Variants in EXOC1 observed in about 807,000 individuals in gnomAD.
EXOC1 encodes the protein SEC3-like 1.
EXOC1 carries 67 observed loss-of-function variants against 107.7 expected under a neutral mutation model. That is an observed-to-expected ratio of 0.62 (90% CI 0.51 to 0.76). The LOEUF (loss-of-function observed/expected upper bound fraction) is 0.76. Ranked by LOEUF, EXOC1 falls within the 30% of genes least tolerant of loss-of-function variation. The pLI is 0.00. For synonymous variants in EXOC1, 348 were observed against 353.5 expected (o/e 0.98, Z 0.17); for missense variants, 833 against 1,055.7 (o/e 0.79, Z 2.92).
chr4:55,879,870 T>C (rs1468403861), intron 9 of EXOC1, among the ~76,000 whole-genome samples: 1 of 152,096 alleles, frequency 6.6e-6, no homozygotes, highest in Non-Finnish European at 1.5e-5. Context: ...AAATAAGAAA[T>C]CTAATGCATA....
Position 55,870,670 on chromosome 4 carries a change from C to A in EXOC1, c.604-8C>A. The A allele has an allele frequency of 6.2e-7, 1 of 1,602,592 alleles. No individual in the cohort carries two copies. Among genetic ancestry groups the A allele is most frequent in the Non-Finnish European group, 8.5e-7 (1 of 1,172,684 alleles). On this transcript the variant is annotated splice_region_variant and splice_polypyrimidine_tract_variant and intron_variant, in intron 5 of 18. Transcript: ENST00000381295. The stretch of plus-strand genomic sequence containing the variant: ...TTTGTTTGTTTGTTTTGGTCTTTAA[C>A]TTTGTAGGCTAACATCCAGTCAATC...
chr4:55,903,254 G>T (rs1465106745), intron 18 of EXOC1, among the ~76,000 whole-genome samples: 1 of 151,966 alleles, frequency 6.6e-6, no homozygotes, highest in African/African-American at 2.4e-5. Flanking sequence ...TAACTAATGG[G>T]TAGTGGAGCC....
In EXOC1 at chr4:55,892,608, T is replaced by C. The variant is rs181153080; in HGVS notation, c.1648-27T>C. On this transcript the variant is annotated intron_variant, in intron 13 of 18. Transcript: ENST00000381295. ...TAGTCAAATTGTTGGTCTTTTATTA[T>C]GTAAAGTGCCTGAATAATTTTTGCA... 3.4e-5 allele frequency: 54 copies of C among 1,607,830 alleles called. 1 individual carries two copies. Among genetic ancestry groups the C allele is most frequent in the South Asian group, 1.2e-4 (11 of 90,916 alleles).
rs142107478 is a variant in EXOC1 at position 55,890,230 on chromosome 4, T to C, written c.1383T>C (p.His461=). ...AGTTTTATTATTTCTTAGGTCTTCA[T>C]GGAAGTTCGGGGAAATTAACTGGAT... The part of the protein sequence containing the change: ...SAVKQETESL[H]GSSGKLTGST... Residue 461 remains histidine, a synonymous_variant, in exon 12 of 19, where the codon CAT becomes CAC. Coordinates refer to ENST00000381295, the MANE Select transcript of EXOC1 (RefSeq NM_001024924.2). 1.2e-6 allele frequency: 2 copies of C among 1,613,930 alleles called. No individual in the cohort carries two copies. Among genetic ancestry groups the C allele is most frequent in the Admixed American group, 1.7e-5 (1 of 60,000 alleles).
intron 16 of EXOC1, among the ~76,000 whole-genome samples, chr4:55,897,751 GATTAT>G (rs1321979831): frequency 6.6e-6 from 1 of 152,098 alleles, no homozygotes; most frequent in Admixed American, 6.5e-5. Context: ...AAGTAGCTGG[GATTAT>G]AGGCAGGCAT....
chr4:55,889,011 G>A, intron 11 of EXOC1, 79 bp downstream of exon 11: 1 of 1,485,036 alleles, frequency 6.7e-7, no homozygotes, highest in East Asian at 2.3e-5. Flanking sequence ...CTTGAAAAAA[G>A]GTAACACCAA....
intron 15 of EXOC1, among the ~76,000 whole-genome samples, chr4:55,896,180 T>C (rs1725179958): frequency 6.7e-6 from 1 of 150,134 alleles, no homozygotes; most frequent in South Asian, 2.1e-4. Flanking sequence ...GAGACAGTCT[T>C]GCTCTGTCAC....
Position 55,871,214 on chromosome 4 carries a change from G to A in EXOC1, c.945G>A (p.Met315Ile), listed in dbSNP as rs1167308566. The change falls in exon 7 of 19, where the codon ATG (methionine) becomes ATA (isoleucine). Residue 315 changes from methionine to isoleucine, a missense_variant. Around this residue, in one of 2 missense-constraint regions of EXOC1, gnomAD observed 617 missense variants for 701.3 expected, o/e 0.88. Transcript: ENST00000381295. ...TNAADALLQC[M>I]NVALRPGHDL... ...CTGCTGATGCCCTTCTGCAGTGCAT[G>A]AATGTAGCTCTTCGACCAGGTATGT... 1 of 1,613,218 alleles carries A rather than the reference G, an allele frequency of 6.2e-7. No individual in the cohort carries two copies. The highest frequency in any genetic ancestry group is 8.5e-7 in the Non-Finnish European group (1 of 1,179,490).
intron 12 of EXOC1, 125 bp from the exon 13 acceptor site, chr4:55,891,190 A>T (rs907187186): frequency 1.6e-6 from 1 of 635,366 alleles, no homozygotes; most frequent in Admixed American, 2.8e-5. Flanking sequence ...CATTGAGATT[A>T]TAAATTCATA....
rs763585055 is a variant in EXOC1, at chr4:55,902,541, A to G, written c.2532+3A>G. 1.4e-6 allele frequency: 2 copies of G among 1,475,586 alleles called. No homozygotes were observed. The highest frequency in any genetic ancestry group is 1.8e-6 in the Non-Finnish European group (2 of 1,117,296). 91.4% of individuals were successfully genotyped at this position (1,475,586 alleles called of 1,614,324 possible). A position where few individuals can be genotyped will look rare whatever the true frequency, so the allele number is the denominator to read the frequency against. ...GTGAAGAAGAGAACTTACTTCAGGT[A>G]TGCTTACTTCTTTTGACCATCTGAC... On this transcript the variant is annotated splice_donor_region_variant and intron_variant, in intron 18 of 18. Coordinates refer to ENST00000381295, the MANE Select transcript of EXOC1 (RefSeq NM_001024924.2).
intron 18 of EXOC1, among the ~76,000 whole-genome samples, chr4:55,903,852 A>G (rs1001489603): frequency 6.6e-6 from 1 of 152,164 alleles, no homozygotes; most frequent in Non-Finnish European, 1.5e-5. Flanking sequence ...GCTGTCCTCC[A>G]AGGCATCAAG....
In EXOC1 at chr4:55,871,897, A is replaced by G; in HGVS notation, c.1013A>G (p.Asp338Gly). Residue 338 changes from aspartate to glycine, a missense_variant, in exon 8 of 19, where the codon GAT becomes GGT. Around this residue, in one of 2 missense-constraint regions of EXOC1, gnomAD observed 617 missense variants for 701.3 expected, o/e 0.88. Transcript: ENST00000381295. The stretch of plus-strand genomic sequence containing the variant: ...AAACAGCAACAGCAGCGATTCAGTG[A>G]TTTGCGAGAGCTTTTTGCCCGGAGA... ...AVKQQQQRFSDLRELFARRLA... is the reference protein window; with the variant it reads ...AVKQQQQRFSGLRELFARRLA... 11 of 1,613,820 alleles carry G rather than the reference A, an allele frequency of 6.8e-6. No individual in the cohort carries two copies. Among genetic ancestry groups the G allele is most frequent in the Non-Finnish European group, 9.3e-6 (11 of 1,179,812 alleles).
At chr4:55,901,888 G>A (rs961901122) in intron 17 of EXOC1, among the ~76,000 whole-genome samples, 1 of 151,912 alleles carries the variant, frequency 6.6e-6, no homozygotes, top group Admixed American at 6.6e-5. Flanking sequence ...AGTAAGATGG[G>A]TAAATACTTA....
chr4:55,864,477 A>G (rs1560332485), intron 4 of EXOC1, 91 bp downstream of exon 4: 2 of 1,121,852 alleles, frequency 1.8e-6, no homozygotes, highest in African/African-American at 3.2e-5. Flanking sequence ...AGAATACTGA[A>G]TTATCTTATC....
intron 1 of EXOC1, among the ~76,000 whole-genome samples, chr4:55,855,603 G>C (rs1299160387): frequency 6.6e-6 from 1 of 152,218 alleles, no homozygotes; most frequent in Non-Finnish European, 1.5e-5. Flanking sequence ...TTATGAAGTA[G>C]AGGGGAAGTG....
At chr4:55,876,349 A>C (rs1722892777) in intron 8 of EXOC1, 2 of 966,624 alleles carry the variant, frequency 2.1e-6, no homozygotes, top group Middle Eastern at 5.3e-4. Context: ...GGGGGTCAGG[A>C]GTGTTTTTAG....
intron 8 of EXOC1, chr4:55,876,881 T>C: frequency 3.0e-6 from 3 of 985,374 alleles, no homozygotes; most frequent in Non-Finnish European, 3.6e-6. Flanking sequence ...AACAGACTGA[T>C]TTGAAAACAT....
chr4:55,887,378 C>G (rs1442095126), intron 10 of EXOC1, among the ~76,000 whole-genome samples: 2 of 152,020 alleles, frequency 1.3e-5, no homozygotes, highest in East Asian at 3.8e-4. Context: ...TTATAAATTA[C>G]CTATTATCTA....
At chr4:55,860,213 TCTC>T (rs1364170324) in intron 2 of EXOC1, among the ~76,000 whole-genome samples, 195 bp from the exon 3 acceptor site, 2 of 152,196 alleles carry the variant, frequency 1.3e-5, no homozygotes, top group African/African-American at 4.8e-5. Flanking sequence ...TTTCAAGGAA[TCTC>T]CTCTGATCTT....
Sources: allele counts gnomAD v4.1 joint callset (sites outside exome capture counted in the v4.1 genomes callset), GRCh38; gene constraint gnomAD v4.1.1; regional missense constraint gnomAD v4.1.1; transcripts MANE v1.5; gene names NCBI Gene and HGNC (gene_info 2026-07-23, HGNC 2026-07-21).